Variants in RARB observed in about 807,000 individuals in gnomAD.
The protein encoded by RARB is retinoic acid receptor beta, also known as HBV-activated protein.
Under a neutral mutation model 51.9 loss-of-function variants are expected in RARB, and 17 were observed. The ratio of observed to expected loss-of-function variants is 0.33; its 90% CI spans 0.22 to 0.49. The LOEUF (loss-of-function observed/expected upper bound fraction) is 0.49, where lower values mean the gene tolerates loss of function less well. Ranked by LOEUF, RARB falls within the 20% of genes least tolerant of loss-of-function variation. The pLI is 0.99. For missense variants in RARB, 369 were observed against 550.8 expected (o/e 0.67, Z 3.30); for synonymous variants, 215 against 195.4 (o/e 1.10, Z -0.84).
intron 2 of RARB, among the ~76,000 whole-genome samples, chr3:24,997,846 A>G (rs1697075472): frequency 6.6e-6 from 1 of 152,192 alleles, no homozygotes; most frequent in Non-Finnish European, 1.5e-5. Flanking sequence ...GTCTACATAT[A>G]TGCATTATAT....
At chr3:25,445,355 T>C (rs773650733) in intron 1 of RARB, among the ~76,000 whole-genome samples, 12 of 152,142 alleles carry the variant, frequency 7.9e-5, no homozygotes, top group Non-Finnish European at 1.5e-4. Context: ...AGACAGTTAT[T>C]TCATACTTCT....
At chr3:25,363,185 A>G (rs1706006508) in intron 5 of RARB, among the ~76,000 whole-genome samples, 1 of 152,200 alleles carries the variant, frequency 6.6e-6, no homozygotes, top group Non-Finnish European at 1.5e-5. Flanking sequence ...TATAGTACAA[A>G]GAAAAATGTA....
chr3:25,531,391 GATAGATAGATA>G (rs1698905834), intron 3 of RARB, among the ~76,000 whole-genome samples: 1 of 38,962 alleles, frequency 2.6e-5, no homozygotes, highest in Non-Finnish European at 4.1e-5. Context: ...TAGATAGGTA[GATAGATAGATA>G]GATAGATAGA....
intron 5 of RARB, among the ~76,000 whole-genome samples, chr3:25,400,930 G>A (rs1355296167): frequency 6.6e-6 from 1 of 151,940 alleles, no homozygotes; most frequent in Non-Finnish European, 1.5e-5. Context: ...CTGTTTTTAA[G>A]GTATCAGAGA....
chr3:25,497,428 C>T (rs1697097935), intron 2 of RARB, among the ~76,000 whole-genome samples: 1 of 152,158 alleles, frequency 6.6e-6, no homozygotes, highest in Non-Finnish European at 1.5e-5. Flanking sequence ...ACCACCTCTT[C>T]TTTCGCCAAA....
chr3:25,461,456 G>T, intron 2 of RARB, 115 bp downstream of exon 2: 1 of 1,211,188 alleles, frequency 8.3e-7, no homozygotes, highest in South Asian at 1.6e-5. Context: ...CCATAAGTGT[G>T]GTGAATTCAG....
At chr3:25,123,253 G>T (rs1699812010) in intron 3 of RARB, among the ~76,000 whole-genome samples, 1 of 152,210 alleles carries the variant, frequency 6.6e-6, no homozygotes, top group Admixed American at 6.5e-5. Context: ...TTTGGGAAGT[G>T]TGTTTCACAG....
rs553936043 is a variant in RARB, at chr3:24,861,082, T to A, written c.-380+2330T>A. On this transcript the variant is annotated intron_variant, in intron 2 of 11. Transcript: ENST00000383772. ...AAATATAGTTGACCACTGAGGGTTTTCACTTGTGAATTCAGCCACCACCAA... is the reference window on the plus strand; with the variant it reads ...AAATATAGTTGACCACTGAGGGTTTACACTTGTGAATTCAGCCACCACCAA... Among the ~76,000 whole-genome samples the A allele has an allele frequency of 2.0e-5, 3 of 152,322 alleles. No individual in the cohort carries two copies. The East Asian group carries it at 5.8e-4, about 29-fold the overall frequency.
chr3:24,905,078 A>G (rs895602386), intron 2 of RARB, among the ~76,000 whole-genome samples: 1 of 152,210 alleles, frequency 6.6e-6, no homozygotes, highest in Non-Finnish European at 1.5e-5. Flanking sequence ...TGGCACATGT[A>G]TACCTATGTA....
At chr3:25,064,578 G>GAA (rs373420785) in intron 3 of RARB, among the ~76,000 whole-genome samples, 1 of 152,118 alleles carries the variant, frequency 6.6e-6, no homozygotes, top group Non-Finnish European at 1.5e-5. Flanking sequence ...AAATATCCAT[G>GAA]AAAGGGGTCA....
At chr3:25,211,595 C>T (rs1044880720) in intron 5 of RARB, among the ~76,000 whole-genome samples, 1 of 152,170 alleles carries the variant, frequency 6.6e-6, no homozygotes, top group Non-Finnish European at 1.5e-5. Context: ...TTCAACTCCC[C>T]ATGATTCAAA....
intron 2 of RARB, among the ~76,000 whole-genome samples, chr3:25,487,756 A>G (rs1041253105): frequency 2.6e-5 from 4 of 152,200 alleles, no homozygotes; most frequent in East Asian, 1.9e-4. Flanking sequence ...TCTTGGCAGG[A>G]TGAAAGCATT....
chr3:24,963,712 T>G (rs536528583), intron 2 of RARB, among the ~76,000 whole-genome samples: 17 of 152,048 alleles, frequency 1.1e-4, no homozygotes, highest in Admixed American at 3.3e-4. Context: ...CGAGCATCTC[T>G]GCCGGAGTAT....
At chr3:24,911,066 T>C (rs1694980746) in intron 2 of RARB, among the ~76,000 whole-genome samples, 1 of 152,234 alleles carries the variant, frequency 6.6e-6, no homozygotes, top group African/African-American at 2.4e-5. Context: ...TTTTATTTTA[T>C]GACACCTCTG....
At chr3:25,349,652 A>T (rs1705499397) in intron 5 of RARB, among the ~76,000 whole-genome samples, 1 of 152,228 alleles carries the variant, frequency 6.6e-6, no homozygotes, top group Non-Finnish European at 1.5e-5. Flanking sequence ...CCAACAAAAA[A>T]TTCTAAACAA....
chr3:25,252,200 T>G (rs1017889490), intron 5 of RARB, among the ~76,000 whole-genome samples: 1 of 152,206 alleles, frequency 6.6e-6, no homozygotes, highest in African/African-American at 2.4e-5. Context: ...ACTACACATC[T>G]ATTTCTTTGA....
chr3:25,312,833 T>C (rs749448488), intron 5 of RARB, among the ~76,000 whole-genome samples: 7 of 152,212 alleles, frequency 4.6e-5, no homozygotes, highest in Non-Finnish European at 8.8e-5. Context: ...CCCTCGCGGA[T>C]AGACATGAGC....
chr3:24,847,951 C>G (rs1353894177), intron 1 of RARB, among the ~76,000 whole-genome samples: 1 of 152,228 alleles, frequency 6.6e-6, no homozygotes, highest in African/African-American at 2.4e-5. Flanking sequence ...TCATCCCTGA[C>G]AAACTTAGAG....
At chr3:25,382,032 G>T (rs1706642412) in intron 5 of RARB, among the ~76,000 whole-genome samples, 1 of 152,146 alleles carries the variant, frequency 6.6e-6, no homozygotes, top group South Asian at 2.1e-4. Context: ...TGAGTAGGGT[G>T]CAAGATAGCA....
Sources: allele counts gnomAD v4.1 joint callset (sites outside exome capture counted in the v4.1 genomes callset), GRCh38; gene constraint gnomAD v4.1.1; transcripts MANE v1.5; gene names NCBI Gene and HGNC (gene_info 2026-07-23, HGNC 2026-07-21).